Variants in OTOF observed in about 807,000 individuals in gnomAD.
OTOF encodes fer-1-like family member 2.
In OTOF, 218 loss-of-function variants were observed where a neutral mutation model predicts 236.8. The observed-to-expected ratio is 0.92, with a 90% CI of 0.82 to 1.03. The LOEUF (loss-of-function observed/expected upper bound fraction) is 1.03, where lower values mean the gene tolerates loss of function less well. Among genes scored for constraint, OTOF ranks in the 50% least tolerant of loss-of-function variants. OTOF has a pLI of 0.00. For missense variants in OTOF, 2,590 were observed against 2,694.4 expected, an observed-to-expected ratio of 0.96 and a Z score of 0.86; for synonymous variants, 1,041 against 1,072.5, an observed-to-expected ratio of 0.97 and a Z score of 0.57.
intron 15 of OTOF, 42 bp from the exon 16 acceptor site, chr2:26,480,353 G>A: frequency 8.0e-7 from 1 of 1,251,132 alleles, no homozygotes; most frequent in Non-Finnish European, 1.2e-6. Flanking sequence ...CTTGAGTAAG[G>A]GTGGCAGGTC....
chr2:26,473,654 A>G lies in OTOF; in HGVS notation c.3409-87T>C. On this transcript the variant is annotated intron_variant, in intron 27 of 46. Coordinates refer to ENST00000272371, the MANE Select transcript of OTOF (RefSeq NM_194248.3). This position sits in a 1 kb window ranked among gnomAD's most constrained non-coding sequence, Gnocchi z 7.2. Reference sequence around the variant, plus strand: ...GGGGGTGCTGGACCATCCAATAGGGAACCGGGCAGTGGGATGGGCAGTAGT... The same window carrying G: ...GGGGGTGCTGGACCATCCAATAGGGGACCGGGCAGTGGGATGGGCAGTAGT... The G allele has an allele frequency of 7.2e-7, 1 of 1,383,974 alleles. No individual in the cohort carries two copies. Among genetic ancestry groups the G allele is most frequent in the Non-Finnish European group, 9.8e-7 (1 of 1,018,056 alleles). The allele number at this position is 1,383,974 out of a possible 1,614,324, so 85.7% of individuals were successfully genotyped here.
chr2:26,520,814 C>T (rs971407126), intron 3 of OTOF, among the ~76,000 whole-genome samples: 2 of 152,222 alleles, frequency 1.3e-5, no homozygotes, highest in African/African-American at 4.8e-5. Flanking sequence ...AAAAAATACA[C>T]TCATCTTTTT....
intron 1 of OTOF, among the ~76,000 whole-genome samples, chr2:26,556,353 C>T (rs1318054064): frequency 6.6e-6 from 1 of 152,146 alleles, no homozygotes; most frequent in African/African-American, 2.4e-5. Flanking sequence ...TTTGGGGCGC[C>T]TACAACTGTG....
At chr2:26,481,447 C>T (rs1438003851) in intron 14 of OTOF, among the ~76,000 whole-genome samples, 2 of 152,220 alleles carry the variant, frequency 1.3e-5, no homozygotes, top group African/African-American at 2.4e-5. Flanking sequence ...AATGCTGCTT[C>T]CTCACGAAGC....
At chr2:26,497,391 G>A (rs6757838) in intron 8 of OTOF, among the ~76,000 whole-genome samples, 2,550 of 152,224 alleles carry the variant, frequency 0.017, 67 homozygotes, top group African/African-American at 0.059. Context: ...CACTGAGCCC[G>A]GCACATTCTT....
chr2:26,536,521 C>G (rs893991945), intron 2 of OTOF, among the ~76,000 whole-genome samples: 1 of 152,076 alleles, frequency 6.6e-6, no homozygotes. Flanking sequence ...GAGTGAGGAG[C>G]GAGGTTTTGC....
intron 9 of OTOF, among the ~76,000 whole-genome samples, chr2:26,491,444 T>G (rs1299668080): frequency 3.3e-5 from 5 of 152,194 alleles, no homozygotes; most frequent in Admixed American, 3.3e-4. Flanking sequence ...AGACTCCTAG[T>G]TCCTGTCCTT....
rs759644549 is a variant in OTOF, at chr2:26,461,775, G to A, written c.5454C>T (p.Asp1818=). ...ISKKESMFSW[D]ETEYKIPARL... ...GCGCGGGGATCTTGTACTCGGTCTC[G>A]TCCCAGGAGAACATGGACTCCTTCT... The change falls in exon 43 of 47, where the codon GAC becomes GAT. Residue 1818 remains aspartate (D), a synonymous_variant. Transcript: ENST00000272371. This position sits in a 1 kb window ranked among gnomAD's most constrained non-coding sequence, Gnocchi z 6.2. 1.7e-5 allele frequency: 27 copies of A among 1,614,044 alleles called. No individual in the cohort carries two copies. Among genetic ancestry groups the A allele is most frequent in the South Asian group, 1.5e-4 (14 of 91,084 alleles).
At chr2:26,550,587 TGTC>T (rs1667435734) in intron 1 of OTOF, among the ~76,000 whole-genome samples, 1 of 152,152 alleles carries the variant, frequency 6.6e-6, no homozygotes, top group East Asian at 1.9e-4. Context: ...AACTGGCACC[TGTC>T]TAGATGAGAA....
At chr2:26,482,291 G>T (rs56180320) in intron 14 of OTOF, 115 bp downstream of exon 14, 2 of 1,032,240 alleles carry the variant, frequency 1.9e-6, no homozygotes, top group Non-Finnish European at 2.9e-6. Context: ...GGAAGCACCT[G>T]TGAGGCTGAG....
intron 11 of OTOF, among the ~76,000 whole-genome samples, chr2:26,487,177 C>T (rs1456681397): frequency 6.6e-6 from 1 of 152,176 alleles, no homozygotes; most frequent in Non-Finnish European, 1.5e-5. Context: ...ATCGACACCA[C>T]CCAAAGCTTC....
At chr2:26,479,961 C>G (rs534882361) in intron 16 of OTOF, among the ~76,000 whole-genome samples, 2 of 152,374 alleles carry the variant, frequency 1.3e-5, no homozygotes, top group South Asian at 4.1e-4. Context: ...CCAAACACAG[C>G]CTCACCCTGT....
chr2:26,527,971 C>T (rs368324038), intron 2 of OTOF, 51 bp from the exon 3 acceptor site: 105 of 1,338,722 alleles, frequency 7.8e-5, no homozygotes, highest in Non-Finnish European at 9.1e-5. Flanking sequence ...AGGTAGGAGC[C>T]GTGGGGTGTG....
At chr2:26,541,138 A>G (rs1160282805) in intron 1 of OTOF, among the ~76,000 whole-genome samples, 1 of 152,204 alleles carries the variant, frequency 6.6e-6, no homozygotes, top group Non-Finnish European at 1.5e-5. Flanking sequence ...CTTGGAGTGA[A>G]AAATGCAGCA....
At chr2:26,538,949 G>A (rs545875057) in intron 1 of OTOF, among the ~76,000 whole-genome samples, 5 of 151,918 alleles carry the variant, frequency 3.3e-5, no homozygotes, top group Non-Finnish European at 7.4e-5. Context: ...GAGTAACTGG[G>A]ATTACAGGCG....
chr2:26,463,950 C>T lies in OTOF; in HGVS notation c.5103+14G>A. 3 of 1,613,830 alleles carry T rather than the reference C, an allele frequency of 1.9e-6. No individual in the cohort carries two copies. Among genetic ancestry groups the T allele is most frequent in the Non-Finnish European group, 1.7e-6 (2 of 1,180,030 alleles). ...AATACCCAAGAACCCCAGTCTTGGC[C>T]ATGCAAGTGTCACCTGCTCGATGCC... On this transcript the variant is annotated intron_variant, in intron 40 of 46. Transcript: ENST00000272371.
chr2:26,490,984 C>T (rs548411769), intron 9 of OTOF, among the ~76,000 whole-genome samples: 2 of 152,184 alleles, frequency 1.3e-5, no homozygotes, highest in African/African-American at 4.8e-5. Flanking sequence ...TGGGAATCGT[C>T]AGCACAAGAT....
At chr2:26,542,330 G>A (rs1667229696) in intron 1 of OTOF, among the ~76,000 whole-genome samples, 1 of 152,206 alleles carries the variant, frequency 6.6e-6, no homozygotes. Flanking sequence ...GTGCCATTTG[G>A]CCTTCACAGA....
chr2:26,542,800 G>A (rs79992767), intron 1 of OTOF, among the ~76,000 whole-genome samples: 1,875 of 152,286 alleles, frequency 0.012, 38 homozygotes, highest in African/African-American at 0.042. Flanking sequence ...GGTCCCGAAA[G>A]GGCAGAGGGT....
Sources: gnomAD v4.1 joint callset for allele counts (sites outside exome capture counted in the v4.1 genomes callset) on GRCh38, gnomAD v4.1.1 for gene constraint, Gnocchi (gnomAD v3.1) non-coding constraint, MANE v1.5 for transcripts, NCBI Gene and HGNC (gene_info 2026-07-23, HGNC 2026-07-21) for gene names.